BLTP1: variants seen among roughly 807,000 people sequenced by gnomAD.
The protein encoded by BLTP1 is bridge-like lipid transfer protein family member 1.
the BLTP1 span, chr4:122,261,517 A>G: frequency 1.9e-5 from 19 of 983,202 alleles, no homozygotes; most frequent in East Asian, 1.9e-3. Flanking sequence ...GAAGATAGAA[A>G]TCGAAAAATT....
chr4:122,195,228 A>G, the BLTP1 span, among the ~76,000 whole-genome samples: 1 of 152,188 alleles, frequency 6.6e-6, no homozygotes, highest in Non-Finnish European at 1.5e-5. Flanking sequence ...TATAATCATA[A>G]CATGATTTTA....
chr4:122,332,121 G>T, the BLTP1 span, among the ~76,000 whole-genome samples: 1 of 151,862 alleles, frequency 6.6e-6, no homozygotes, highest in East Asian at 1.9e-4. Context: ...GAGCGGATGG[G>T]TGGAGATGTA....
the BLTP1 span, chr4:122,244,710 T>C: frequency 3.0e-6 from 2 of 671,092 alleles, no homozygotes; most frequent in Non-Finnish European, 3.7e-6. Context: ...CGATAACTTA[T>C]ACTATTAAGA....
the BLTP1 span, among the ~76,000 whole-genome samples, chr4:122,327,511 T>C: frequency 6.6e-6 from 1 of 151,760 alleles, no homozygotes; most frequent in Non-Finnish European, 1.5e-5. Context: ...CCGGCTGTAT[T>C]TACCTTAAAA....
the BLTP1 span, chr4:122,291,663 C>A: frequency 2.2e-6 from 2 of 890,968 alleles, no homozygotes; most frequent in Non-Finnish European, 2.7e-6. Flanking sequence ...ATCAAGTAAA[C>A]AGAATAGACT....
the BLTP1 span, chr4:122,237,114 T>A: frequency 1.0e-6 from 1 of 984,406 alleles, no homozygotes; most frequent in Non-Finnish European, 1.2e-6. Context: ...ATATTTTAGG[T>A]TTATGACTCT....
chr4:122,158,370 C>T, the BLTP1 span, among the ~76,000 whole-genome samples: 630 of 152,198 alleles, frequency 4.1e-3, 2 homozygotes, highest in African/African-American at 0.014. Context: ...TAAAGTATTA[C>T]CATTAAAAGT....
chr4:122,250,707 A>C, the BLTP1 span: 1 of 902,616 alleles, frequency 1.1e-6, no homozygotes, highest in South Asian at 1.7e-5. Context: ...ATATCTGCTT[A>C]AATGTTAGTC....
At chr4:122,242,478 A>G in the BLTP1 span, among the ~76,000 whole-genome samples, 1 of 152,010 alleles carries the variant, frequency 6.6e-6, no homozygotes, top group East Asian at 1.9e-4. Flanking sequence ...AGTTGGGGGG[A>G]AAAAAGTAAC....
the BLTP1 span, among the ~76,000 whole-genome samples, chr4:122,342,370 T>A: frequency 2.4e-3 from 361 of 150,758 alleles, 1 homozygote; most frequent in Middle Eastern, 6.9e-3. Flanking sequence ...TTATTTTTTT[T>A]TTTGAGACTA....
the BLTP1 span, chr4:122,215,629 T>C: frequency 1.1e-6 from 1 of 921,276 alleles, no homozygotes; most frequent in Non-Finnish European, 1.3e-6. Flanking sequence ...GTGGAATGTG[T>C]ATTTCATAAA....
the BLTP1 span, among the ~76,000 whole-genome samples, chr4:122,288,057 C>T: frequency 6.6e-6 from 1 of 152,112 alleles, no homozygotes; most frequent in Non-Finnish European, 1.5e-5. Flanking sequence ...ATTTCAAAGA[C>T]TCTAAAATTG....
At chr4:122,207,626 G>C in the BLTP1 span, 1 of 1,598,078 alleles carries the variant, frequency 6.3e-7, no homozygotes, top group Non-Finnish European at 8.5e-7. Flanking sequence ...GTAATACCAA[G>C]TTCTCTTTAA....
At chr4:122,358,012 A>G in the BLTP1 span, among the ~76,000 whole-genome samples, 2 of 152,236 alleles carry the variant, frequency 1.3e-5, no homozygotes, top group African/African-American at 4.8e-5. Flanking sequence ...GGAGAAATCT[A>G]TATGACCTCA....
At chr4:122,226,162 A>G in the BLTP1 span, 1 of 152,424 alleles carries the variant, frequency 6.6e-6, no homozygotes, top group Non-Finnish European at 1.5e-5. Context: ...AATGTTTTTA[A>G]CAGCTCTAAT....
the BLTP1 span, chr4:122,325,222 A>T: frequency 6.3e-7 from 1 of 1,592,582 alleles, no homozygotes; most frequent in Non-Finnish European, 8.6e-7. Context: ...CTTTATATTT[A>T]CTTGCAGTTC....
At chr4:122,182,566 A>T in the BLTP1 span, 1 of 787,358 alleles carries the variant, frequency 1.3e-6, no homozygotes, top group Non-Finnish European at 1.5e-6. Flanking sequence ...AATCCTACTC[A>T]CTCATCATCA....
the BLTP1 span, chr4:122,274,296 G>A: frequency 2.0e-6 from 2 of 992,236 alleles, no homozygotes; most frequent in East Asian, 5.0e-5. Flanking sequence ...TGAAATGCAA[G>A]TATCTTATAT....
the BLTP1 span, chr4:122,349,784 GA>G: frequency 1.1e-5 from 18 of 1,569,984 alleles, no homozygotes; most frequent in South Asian, 2.2e-4. The surrounding 1 kb of genome is among the most constrained non-coding windows in gnomAD (Gnocchi z 4.5). Flanking sequence ...CTGGGCGGGG[GA>G]AGAAAATGTT....
Sources: gnomAD v4.1 joint callset for allele counts (sites outside exome capture counted in the v4.1 genomes callset) on GRCh38, gnomAD v4.1.1 for gene constraint, Gnocchi (gnomAD v3.1) non-coding constraint, MANE v1.5 for transcripts, NCBI Gene and HGNC (gene_info 2026-07-23, HGNC 2026-07-21) for gene names.